EGLN2: variants seen among roughly 807,000 people sequenced by gnomAD.
The protein encoded by EGLN2 is egl-9 family hypoxia inducible factor 2.
EGLN2 carries 15 observed loss-of-function variants against 38.2 expected under a neutral mutation model. The ratio of observed to expected loss-of-function variants is 0.39; its 90% confidence interval spans 0.26 to 0.60. The LOEUF (loss-of-function observed/expected upper bound fraction) is 0.60. Ranked by LOEUF, EGLN2 falls within the 20% of genes least tolerant of loss-of-function variation. The pLI is 0.50. For synonymous variants in EGLN2, 284 were observed against 237.4 expected, an observed-to-expected ratio of 1.20 and a Z score of -1.81; for missense variants, 492 against 570.4, an observed-to-expected ratio of 0.86 and a Z score of 1.40.
In EGLN2 at chr19:40,800,870, G is replaced by A. The variant is rs1358030620; in HGVS notation, c.298G>A (p.Val100Ile). The change falls in exon 2 of 6, where the codon GTC (valine) becomes ATC (isoleucine). Residue 100 changes from valine to isoleucine, a missense_variant. By Grantham distance (29) the Val-to-Ile change is conservative. This residue lies in a region of EGLN2 where 378 missense variants were observed against 386.2 expected (regional missense o/e 0.98). Coordinates refer to ENST00000303961, the MANE Select transcript of EGLN2 (RefSeq NM_080732.4). ...PLQSEGAAAL[V>I]TKGCQRLAAQ... The stretch of plus-strand genomic sequence containing the variant: ...GCAGAGTGAAGGCGCTGCAGCGCTG[G>A]TCACCAAGGGGTGCCAGCGATTGGC... 1 of 1,612,026 alleles carries A rather than the reference G, an allele frequency of 6.2e-7. No homozygotes were observed. The highest frequency in any genetic ancestry group is 8.5e-7 in the Non-Finnish European group (1 of 1,179,504).
Position 40,801,059 on chromosome 19 carries a change from G to T in EGLN2, c.487G>T (p.Ala163Ser), listed in dbSNP as rs778659160. ...SCSSGSGEAS[A>S]GLMEEALPSA... ...CAGCAGTGGCAGTGGTGAGGCCAGT[G>T]CTGGGCTGATGGAGGAGGCGCTGCC... The change falls in exon 2 of 6, where the codon GCT becomes TCT. Residue 163 changes from alanine (A) to serine (S), a missense_variant. Around this residue, in one of 2 missense-constraint regions of EGLN2, gnomAD observed 378 missense variants for 386.2 expected, o/e 0.98. Transcript: ENST00000303961. The T allele has an allele frequency of 2.5e-6, 4 of 1,612,892 alleles. No homozygotes were observed. Among genetic ancestry groups the T allele is most frequent in the Non-Finnish European group, 2.5e-6 (3 of 1,179,852 alleles).
In EGLN2 at chr19:40,800,628, G is replaced by A; in HGVS notation, c.56G>A (p.Gly19Glu). 1.2e-6 allele frequency: 2 copies of A among 1,613,676 alleles called. No individual in the cohort carries two copies. Among genetic ancestry groups the A allele is most frequent in the South Asian group, 2.2e-5 (2 of 91,046 alleles). The change falls in exon 2 of 6, where the codon GGG (glycine) becomes GAG (glutamate). Residue 19 changes from glycine to glutamate, a missense_variant. Gly to Glu is a moderately conservative substitution (Grantham distance 98, BLOSUM62 -2). Coordinates refer to ENST00000303961, the MANE Select transcript of EGLN2 (RefSeq NM_080732.4). Reference sequence around the variant, plus strand: ...AGTCAGGCTCTCCCTCAGTTACCAGGGTCTTCGTCAGAGCCCTTGGAGCCT... The same window carrying A: ...AGTCAGGCTCTCCCTCAGTTACCAGAGTCTTCGTCAGAGCCCTTGGAGCCT... ...PLSQALPQLP[G>E]SSSEPLEPEP...
chr19:40,807,101 C>T (rs781323829), intron 3 of EGLN2, 37 bp from the exon 4 acceptor site: 2 of 1,609,294 alleles, frequency 1.2e-6, no homozygotes, highest in Admixed American at 3.3e-5. Context: ...CGGCTCCTGG[C>T]CGTACCAGCT....
intron 2 of EGLN2, chr19:40,803,960 C>T (rs543713835): frequency 1.3e-5 from 2 of 152,224 alleles, no homozygotes; most frequent in East Asian, 1.9e-4. Context: ...CTGAGGCCTT[C>T]CCCTGTGAGG....
intron 2 of EGLN2, 82 bp from the exon 3 acceptor site, chr19:40,806,473 G>T: frequency 6.3e-7 from 1 of 1,587,524 alleles, no homozygotes; most frequent in South Asian, 1.1e-5. Flanking sequence ...AAGGAGGGGT[G>T]GGAAAATAGG....
intron 2 of EGLN2, among the ~76,000 whole-genome samples, chr19:40,802,651 A>T (rs374952643): frequency 1.3e-5 from 2 of 152,362 alleles, no homozygotes; most frequent in African/African-American, 4.8e-5. Context: ...ACCTGGGGTC[A>T]GGAGCCCAGC....
At chr19:40,806,499 T>C (rs1429236767) in intron 2 of EGLN2, 56 bp from the exon 3 acceptor site, 2 of 1,605,548 alleles carry the variant, frequency 1.2e-6, no homozygotes, top group African/African-American at 2.7e-5. Context: ...CATGGCTGCT[T>C]CTCTAAGATG....
chr19:40,807,692 C>G, intron 5 of EGLN2, 117 bp from the exon 6 acceptor site: 1 of 1,414,186 alleles, frequency 7.1e-7, no homozygotes. Flanking sequence ...AGCCCACTCT[C>G]CTGGTACCCC....
At chr19:40,800,267 A>AC (rs1469486281) in intron 1 of EGLN2, 72 bp from the exon 2 acceptor site, 1 of 357,468 alleles carries the variant, frequency 2.8e-6, no homozygotes, top group East Asian at 4.9e-5. Context: ...TCCTGCCCAT[A>AC]CCATCCCGGC....
Position 40,800,335 on chromosome 19 carries a change from C to A in EGLN2, c.-234-4C>A. The stretch of plus-strand genomic sequence containing the variant: ...ACATCCCTTTTTTTTTTTCCTTTCT[C>A]TAGCCACCCTGAAGGGTCCCTTCCC... On this transcript the variant is annotated splice_polypyrimidine_tract_variant and splice_region_variant and intron_variant, in intron 1 of 5. Coordinates refer to ENST00000303961, the MANE Select transcript of EGLN2 (RefSeq NM_080732.4). 1 of 487,094 alleles carries A rather than the reference C, an allele frequency of 2.1e-6. No individual in the cohort carries two copies. Among genetic ancestry groups the A allele is most frequent in the Non-Finnish European group, 3.6e-6 (1 of 281,504 alleles). 30.2% of individuals were successfully genotyped at this position (487,094 alleles called of 1,614,324 possible).
At chr19:40,801,671 T>TTTC (rs1381915078) in intron 2 of EGLN2, among the ~76,000 whole-genome samples, 1 of 133,450 alleles carries the variant, frequency 7.5e-6, no homozygotes, top group Non-Finnish European at 1.6e-5. Flanking sequence ...TTTTTTTTTT[T>TTTC]TTCTTTTCTT....
At chr19:40,806,458 G>C in intron 2 of EGLN2, 97 bp from the exon 3 acceptor site, 1 of 1,565,922 alleles carries the variant, frequency 6.4e-7, no homozygotes, top group Non-Finnish European at 8.7e-7. Context: ...TGGGGAAGAT[G>C]GGGCAAGGAG....
At chr19:40,803,619 C>T (rs2083279698) in intron 2 of EGLN2, among the ~76,000 whole-genome samples, 1 of 152,080 alleles carries the variant, frequency 6.6e-6, no homozygotes, top group Non-Finnish European at 1.5e-5. Flanking sequence ...GCTTCTTAGT[C>T]GTTCTGAGTG....
Position 40,808,327 on chromosome 19 carries a change from C to T in EGLN2, c.*463C>T, listed in dbSNP as rs965305079. 3.2e-5 allele frequency: 13 copies of T among 408,946 alleles called. No individual in the cohort carries two copies. Among genetic ancestry groups the T allele is most frequent in the Non-Finnish European group, 5.6e-5 (13 of 231,328 alleles). 25.3% of individuals were successfully genotyped at this position (408,946 alleles called of 1,614,324 possible). On this transcript the variant is annotated 3_prime_UTR_variant, in exon 6 of 6. Coordinates refer to ENST00000303961, the MANE Select transcript of EGLN2 (RefSeq NM_080732.4). ...CAACCCCTTTGGCCATGGCAGGCAC[C>T]TTTTGGACTGGGCTGCCACTGCTTG...
At chr19:40,804,526 C>T (rs2083286983) in intron 2 of EGLN2, 1 of 152,636 alleles carries the variant, frequency 6.6e-6, no homozygotes, top group East Asian at 1.9e-4. Flanking sequence ...GAGTGAAGAC[C>T]TGGAGAGGAG....
At chr19:40,805,735 G>C (rs2083296325) in intron 2 of EGLN2, 1 of 152,266 alleles carries the variant, frequency 6.6e-6, no homozygotes, top group Admixed American at 6.5e-5. Context: ...CCTGTAGACA[G>C]AGAAACCAAG....
In EGLN2 at chr19:40,807,132, C is replaced by T. The variant is rs1164289282; in HGVS notation, c.964-6C>T. 1 of 1,613,904 alleles carries T rather than the reference C, an allele frequency of 6.2e-7. No homozygotes were observed. The highest frequency in any genetic ancestry group is 8.5e-7 in the Non-Finnish European group (1 of 1,179,978). On this transcript the variant is annotated splice_polypyrimidine_tract_variant and splice_region_variant and intron_variant, in intron 3 of 5. Coordinates refer to ENST00000303961, the MANE Select transcript of EGLN2 (RefSeq NM_080732.4). ...CAGCTAGCCTCATCCTTTGGCCTGC[C>T]CCCAGGTGCATGGCGGCCTGCTGCA...
chr19:40,800,282 C>T (rs1387564846), intron 1 of EGLN2, 57 bp from the exon 2 acceptor site: 6 of 397,986 alleles, frequency 1.5e-5, no homozygotes, highest in African/African-American at 4.0e-5. Flanking sequence ...CCCGGCTTTC[C>T]CCTGCCTGCC....
At chr19:40,801,758 C>G (rs983582514) in intron 2 of EGLN2, among the ~76,000 whole-genome samples, 3 of 146,658 alleles carry the variant, frequency 2.0e-5, no homozygotes, top group African/African-American at 5.0e-5. Flanking sequence ...GAGGGAAGGT[C>G]AGCAGATAAA....
Sources: gnomAD v4.1 joint callset for allele counts (sites outside exome capture counted in the v4.1 genomes callset) on GRCh38, gnomAD v4.1.1 for gene constraint, gnomAD v4.1.1 regional missense constraint, MANE v1.5 for transcripts, NCBI Gene and HGNC (gene_info 2026-07-23, HGNC 2026-07-21) for gene names.